The following CTNS variants were observed in gnomAD, a reference collection of about 807,000 sequenced individuals.
CTNS encodes cystinosin, lysosomal cystine transporter.
A neutral mutation model predicts 43.7 loss-of-function variants in CTNS; 27 were observed. That is an observed-to-expected ratio of 0.62 (90% CI 0.46 to 0.85). The LOEUF (loss-of-function observed/expected upper bound fraction) is 0.85, where lower values mean the gene tolerates loss of function less well. Ranked by LOEUF, CTNS falls within the 40% of genes least tolerant of loss-of-function variation. The pLI is 0.00. For missense variants in CTNS, 457 were observed against 475.4 expected (o/e 0.96, Z 0.36); for synonymous variants, 187 against 190.6 (o/e 0.98, Z 0.16).
chr17:3,640,442 G>A (rs982907254), intron 3 of CTNS, among the ~76,000 whole-genome samples, 175 bp downstream of exon 3: 1 of 152,266 alleles, frequency 6.6e-6, no homozygotes, highest in Non-Finnish European at 1.5e-5. Flanking sequence ...TGGGATCCAG[G>A]TGTTCTGCAA....
At position 3,661,120 on chromosome 17, in the gene CTNS, G is replaced by A; in HGVS notation, c.*751G>A. ...ACCTTCTCAGATTAGCCCCATCTGA[G>A]CACATCCAGCTGCTCCTTACCCAGC... On this transcript the variant is annotated 3_prime_UTR_variant, in exon 12 of 12. Coordinates refer to ENST00000046640, the MANE Select transcript of CTNS (RefSeq NM_004937.3). 2.9e-6 allele frequency: 1 copy of A among 341,572 alleles called. No homozygotes were observed. The allele number at this position is 341,572 out of a possible 1,614,324, so 21.2% of individuals were successfully genotyped here.
At chr17:3,647,912 G>A (rs1034034163) in intron 4 of CTNS, among the ~76,000 whole-genome samples, 7 of 152,242 alleles carry the variant, frequency 4.6e-5, no homozygotes, top group Non-Finnish European at 1.0e-4. Context: ...CACTTCTGAG[G>A]TTGCTTTCAG....
At chr17:3,650,496 T>G in intron 5 of CTNS, 2 of 795,840 alleles carry the variant, frequency 2.5e-6, no homozygotes, top group South Asian at 4.6e-5. Context: ...AAATTAAAAA[T>G]AAAAATAAAA....
chr17:3,648,236 C>G (rs984598381), intron 4 of CTNS, among the ~76,000 whole-genome samples: 1 of 152,190 alleles, frequency 6.6e-6, no homozygotes, highest in Non-Finnish European at 1.5e-5. Flanking sequence ...CCTGCCATTC[C>G]GCTCCCAGCT....
chr17:3,658,236 G>A (rs1035556077), intron 10 of CTNS, 61 bp downstream of exon 10: 1 of 1,599,668 alleles, frequency 6.3e-7, no homozygotes, highest in East Asian at 2.2e-5. Context: ...ACATGGCCCA[G>A]GCCCTGCTCC....
intron 9 of CTNS, 81 bp downstream of exon 9, chr17:3,656,876 G>A: frequency 6.3e-7 from 1 of 1,598,992 alleles, no homozygotes; most frequent in Non-Finnish European, 8.5e-7. Context: ...AGACACGGCA[G>A]AGCCTGGGAA....
chr17:3,651,966 CCT>C (rs1325414883), intron 5 of CTNS, among the ~76,000 whole-genome samples: 1 of 83,298 alleles, frequency 1.2e-5, no homozygotes, highest in Non-Finnish European at 2.5e-5. Context: ...AGAATGAGAC[CCT>C]GTCTCAAAAA....
At position 3,662,109 on chromosome 17, in the gene CTNS, G is replaced by A. The variant is rs541979906; in HGVS notation, c.*1740G>A. On this transcript the variant is annotated 3_prime_UTR_variant, in exon 12 of 12. Transcript: ENST00000046640. ...ATGGATCACCTGACATCAGGAGTTC[G>A]AGACCAGCCTAGCCAACATTGCAAA... is the stretch of plus-strand genomic sequence containing the variant. 5.3e-5 allele frequency among the ~76,000 whole-genome samples: 8 copies of A among 152,244 alleles called. No homozygotes were observed. Among genetic ancestry groups the A allele is most frequent in the Admixed American group, 2.0e-4 (3 of 15,302 alleles).
At chr17:3,651,211 C>T (rs1320261058) in intron 5 of CTNS, among the ~76,000 whole-genome samples, 1 of 152,088 alleles carries the variant, frequency 6.6e-6, no homozygotes, top group Non-Finnish European at 1.5e-5. Flanking sequence ...TATCCTGCCC[C>T]AGCCTCCCGA....
chr17:3,659,946 T>C lies in CTNS; in HGVS notation c.941T>C (p.Leu314Pro), dbSNP rs776783339. 1 of 1,613,820 alleles carries C rather than the reference T, an allele frequency of 6.2e-7. No homozygotes were observed. ...LDFTGGSFSL[L>P]QMFLQSYNND... ...TTCACCGGGGGCAGCTTCAGCCTCC[T>C]GCAGATGTTCCTCCAGTCCTACAAC... The change falls in exon 11 of 12, where the codon CTG (leucine) becomes CCG (proline). Residue 314 changes from leucine to proline, a missense_variant. Coordinates refer to ENST00000046640, the MANE Select transcript of CTNS (RefSeq NM_004937.3).
chr17:3,656,522 A>C lies in CTNS; in HGVS notation c.497A>C (p.Asn166Thr). Reference protein sequence around the residue: ...IGLSFDFVALNLTGFVAYSVF... With the variant: ...IGLSFDFVALTLTGFVAYSVF... ...CTGAGCTTCGACTTCGTGGCTCTGA[A>C]CCTGACGGGCTTCGTGGCCTACAGT... Residue 166 changes from asparagine to threonine, a missense_variant, in exon 8 of 12, where the codon AAC becomes ACC. Coordinates refer to ENST00000046640, the MANE Select transcript of CTNS (RefSeq NM_004937.3). 1.2e-6 allele frequency: 2 copies of C among 1,605,384 alleles called. No individual in the cohort carries two copies.
chr17:3,640,391 T>C (rs1392899554), intron 3 of CTNS, 124 bp downstream of exon 3: 1 of 1,129,256 alleles, frequency 8.9e-7, no homozygotes, highest in Non-Finnish European at 1.3e-6. Flanking sequence ...TGTCTGCCTC[T>C]TGGCCATGTG....
chr17:3,652,910 G>A (rs2081634794), intron 5 of CTNS, among the ~76,000 whole-genome samples: 1 of 152,180 alleles, frequency 6.6e-6, no homozygotes, highest in South Asian at 2.1e-4. Flanking sequence ...CAGTTGTCCT[G>A]CCAAAGCCCC....
intron 3 of CTNS, among the ~76,000 whole-genome samples, chr17:3,642,556 G>A (rs1045000283): frequency 2.6e-5 from 4 of 152,046 alleles, no homozygotes; most frequent in African/African-American, 7.2e-5. Context: ...GCATGGTGGC[G>A]AGCGCCTGTA....
At chr17:3,655,974 A>G (rs1241037674) in intron 7 of CTNS, 1 of 305,336 alleles carries the variant, frequency 3.3e-6, no homozygotes, top group African/African-American at 2.2e-5. Context: ...TAAGGACAGT[A>G]CCCTGCTTGA....
chr17:3,655,153 C>T (rs1450802529), intron 6 of CTNS, 52 bp downstream of exon 6: 12 of 1,613,980 alleles, frequency 7.4e-6, no homozygotes, highest in Non-Finnish European at 1.0e-5. Context: ...GGGGGCCGTG[C>T]TGGGCACGTG....
At chr17:3,641,541 G>A (rs61401290) in intron 3 of CTNS, among the ~76,000 whole-genome samples, 14,893 of 150,722 alleles carry the variant, frequency 0.099, 2,475 homozygotes, top group African/African-American at 0.34. Flanking sequence ...ACAGGCACCC[G>A]CAACTACGCC....
In CTNS at chr17:3,656,539, G is replaced by GC. The variant is rs1555563441; in HGVS notation, c.516dup (p.Tyr173LeufsTer55). Reference sequence around the variant, plus strand: ...GGCTCTGAACCTGACGGGCTTCGTGGCCTACAGTGTATTCAACATCGGCCT... The same window carrying GC: ...GGCTCTGAACCTGACGGGCTTCGTGGCCCTACAGTGTATTCAACATCGGCCT... On this transcript the variant is annotated frameshift_variant, in exon 8 of 12. Coordinates refer to ENST00000046640, the MANE Select transcript of CTNS (RefSeq NM_004937.3). LOFTEE classifies it high-confidence loss of function. 1 of 1,608,718 alleles carries GC rather than the reference G, an allele frequency of 6.2e-7. No homozygotes were observed. Among genetic ancestry groups the GC allele is most frequent in the Non-Finnish European group, 8.5e-7 (1 of 1,178,962 alleles).
chr17:3,637,590 C>T (rs1298267847), intron 2 of CTNS, among the ~76,000 whole-genome samples: 1 of 152,086 alleles, frequency 6.6e-6, no homozygotes, highest in Non-Finnish European at 1.5e-5. Context: ...CCTCAGCCTT[C>T]CGAGTAGCTG....
Sources: gnomAD v4.1 joint callset for allele counts (sites outside exome capture counted in the v4.1 genomes callset) on GRCh38, gnomAD v4.1.1 for gene constraint, MANE v1.5 for transcripts, NCBI Gene and HGNC (gene_info 2026-07-23, HGNC 2026-07-21) for gene names.